The following ZNF845 variants were observed in gnomAD, a reference collection of about 807,000 sequenced individuals.
The protein encoded by ZNF845 is zinc finger protein 845.
In ZNF845, 59 loss-of-function variants were observed where a neutral mutation model predicts 76.1. The observed-to-expected ratio is 0.78, with a 90% confidence interval of 0.63 to 0.96. ZNF845 has a LOEUF of 0.96. Ranked by LOEUF, ZNF845 falls within the 40% of genes least tolerant of loss-of-function variation. The pLI, the probability that ZNF845 is intolerant of heterozygous loss-of-function variation, is 0.00. For synonymous variants in ZNF845, 361 were observed against 386.9 expected, an observed-to-expected ratio of 0.93 and a Z score of 0.78; for missense variants, 1,045 against 1,172.8, an observed-to-expected ratio of 0.89 and a Z score of 1.59.
chr19:53,338,694 GCA>G (rs57616883), intron 1 of ZNF845, among the ~76,000 whole-genome samples: 367 of 140,360 alleles, frequency 2.6e-3, no homozygotes, highest in East Asian at 5.4e-3. Flanking sequence ...CAACACGTGA[GCA>G]CACACACACA....
chr19:53,342,595 G>C (rs994259021), intron 2 of ZNF845, among the ~76,000 whole-genome samples: 2 of 152,164 alleles, frequency 1.3e-5, no homozygotes, highest in African/African-American at 4.8e-5. Flanking sequence ...TGTCAGTTCT[G>C]TGCCATGGGT....
At chr19:53,340,946 C>T (rs902977607) in intron 1 of ZNF845, 1 of 396,054 alleles carries the variant, frequency 2.5e-6, no homozygotes, top group Non-Finnish European at 4.5e-6. Context: ...CCCTCCTTCC[C>T]CAGGTCTCTG....
chr19:53,354,632 G>A lies in ZNF845; in HGVS notation c.*1044G>A, dbSNP rs1263529752. On this transcript the variant is annotated 3_prime_UTR_variant, in exon 4 of 4. Transcript: ENST00000458035. Reference sequence around the variant, plus strand: ...GACTTCCAATCCATCAATATGGGTTGTATGTCTATTTAGTTTTTTTGATCA... The same window carrying A: ...GACTTCCAATCCATCAATATGGGTTATATGTCTATTTAGTTTTTTTGATCA... 1 of 152,832 alleles carries A rather than the reference G, an allele frequency of 6.5e-6. No individual in the cohort carries two copies. Among genetic ancestry groups the A allele is most frequent in the African/African-American group, 2.4e-5 (1 of 41,436 alleles). The allele number at this position is 152,832 out of a possible 1,614,324, so 9.5% of individuals were successfully genotyped here.
chr19:53,336,633 C>CTTTTTTTTTTTTTTTTT (rs398035035), intron 1 of ZNF845, among the ~76,000 whole-genome samples: 26 of 92,420 alleles, frequency 2.8e-4, no homozygotes, highest in African/African-American at 4.5e-4. Context: ...TTCTTTCTTT[C>CTTTTTTTTTTTTTTTTT]TTTTTTTTTT....
chr19:53,336,438 AG>A (rs763325921), intron 1 of ZNF845, among the ~76,000 whole-genome samples: 4 of 152,006 alleles, frequency 2.6e-5, no homozygotes, highest in Non-Finnish European at 5.9e-5. Flanking sequence ...TGAACTTGGG[AG>A]GTAGAGGTTG....
chr19:53,338,470 G>A (rs1419039517), intron 1 of ZNF845, among the ~76,000 whole-genome samples: 2 of 152,040 alleles, frequency 1.3e-5, no homozygotes, highest in African/African-American at 4.8e-5. Flanking sequence ...TTCCCTTCAG[G>A]AAGGGTGGGG....
chr19:53,336,841 G>C (rs947508243), intron 1 of ZNF845, among the ~76,000 whole-genome samples: 1 of 151,998 alleles, frequency 6.6e-6, no homozygotes, highest in Admixed American at 6.6e-5. Context: ...AATTAGTTGC[G>C]TCCAGTTCAG....
At position 53,354,921 on chromosome 19, in the gene ZNF845, T is replaced by C. The variant is rs931834904; in HGVS notation, c.*1333T>C. 6.6e-6 allele frequency: 1 copy of C among 151,816 alleles called. No individual in the cohort carries two copies. Among genetic ancestry groups the C allele is most frequent in the Non-Finnish European group, 1.5e-5 (1 of 67,964 alleles). 9.4% of individuals were successfully genotyped at this position (151,816 alleles called of 1,614,324 possible). The stretch of plus-strand genomic sequence containing the variant: ...GACAGTCTCACTCTGTTACCCAGGC[T>C]CTTTTCTTTTTTTTTGAGAAGGAGT... On this transcript the variant is annotated 3_prime_UTR_variant, in exon 4 of 4. Transcript: ENST00000458035.
At chr19:53,343,711 A>G (rs1251152432) in intron 2 of ZNF845, among the ~76,000 whole-genome samples, 1 of 152,136 alleles carries the variant, frequency 6.6e-6, no homozygotes, top group African/African-American at 2.4e-5. Context: ...GGGAAATGAC[A>G]ATCCTTTGTA....
rs1314394068 is a variant in ZNF845 at position 53,350,813 on chromosome 19, T to C, written c.143-5T>C. The C allele has an allele frequency of 6.2e-7, 1 of 1,612,162 alleles. No homozygotes were observed. Among genetic ancestry groups the C allele is most frequent in the Non-Finnish European group, 8.5e-7 (1 of 1,179,340 alleles). On this transcript the variant is annotated splice_polypyrimidine_tract_variant and splice_region_variant and intron_variant, in intron 3 of 3. Transcript: ENST00000458035. ...TGGAAACCTATTGGTGTTTATATTT[T>C]CTAGATATCTCTTCCAAATGCATGA...
Position 53,337,124 on chromosome 19 carries a change from G to A in ZNF845, c.-74+3332G>A, listed in dbSNP as rs184082946. The A allele has an allele frequency of 1.2e-3, 531 of 456,928 alleles. 4 individuals are homozygous for A. Among genetic ancestry groups the A allele is most frequent in the African/African-American group, 9.7e-3 (488 of 50,196 alleles). The allele number at this position is 456,928 out of a possible 1,614,324, so 28.3% of individuals were successfully genotyped here. A position where few individuals can be genotyped will look rare whatever the true frequency, so the allele number is the denominator to read the frequency against. On this transcript the variant is annotated intron_variant, in intron 1 of 3. Coordinates refer to ENST00000458035, the MANE Select transcript of ZNF845 (RefSeq NM_138374.3). Reference sequence around the variant, plus strand: ...GGGAGCTTGCCCTCATCGCATGACTGTCTCTGCCCCAGTCATATTTGCTTT... The same window carrying A: ...GGGAGCTTGCCCTCATCGCATGACTATCTCTGCCCCAGTCATATTTGCTTT...
At position 53,352,297 on chromosome 19, in the gene ZNF845, A is replaced by G. The variant is rs2085345375; in HGVS notation, c.1622A>G (p.His541Arg). The change falls in exon 4 of 4, where the codon CAT becomes CGT. Residue 541 changes from histidine to arginine, a missense_variant. Transcript: ENST00000458035. The part of the protein sequence containing the change: ...TFSRKSSLTR[H>R]CRLHTGEKPY... ...AGTCGGAAGTCATCCCTTACACGCCATTGTAGACTTCATACTGGAGAGAAA... is the reference window on the plus strand; with the variant it reads ...AGTCGGAAGTCATCCCTTACACGCCGTTGTAGACTTCATACTGGAGAGAAA... 1.2e-6 allele frequency: 2 copies of G among 1,614,008 alleles called. No individual in the cohort carries two copies. Among genetic ancestry groups the G allele is most frequent in the Non-Finnish European group, 1.7e-6 (2 of 1,179,946 alleles).
intron 1 of ZNF845, among the ~76,000 whole-genome samples, chr19:53,336,190 C>T (rs375721505): frequency 7.6e-6 from 1 of 132,426 alleles, no homozygotes; most frequent in East Asian, 2.2e-4. Flanking sequence ...CCATCCTGGG[C>T]GAGAGCGAGA....
chr19:53,340,123 CTCACTG>C (rs571975996), intron 1 of ZNF845, among the ~76,000 whole-genome samples: 1,681 of 152,320 alleles, frequency 0.011, 12 homozygotes, highest in Middle Eastern at 0.031. Flanking sequence ...GTGATCTTGG[CTCACTG>C]CAACCTCTGC....
chr19:53,343,695 A>G (rs1251998859), intron 2 of ZNF845, among the ~76,000 whole-genome samples: 3 of 152,156 alleles, frequency 2.0e-5, no homozygotes, highest in African/African-American at 7.2e-5. Flanking sequence ...TTTTTTGAAT[A>G]TCTGGGGGAA....
intron 3 of ZNF845, among the ~76,000 whole-genome samples, chr19:53,350,586 T>C (rs2085325881): frequency 6.6e-6 from 1 of 152,238 alleles, no homozygotes; most frequent in South Asian, 2.1e-4. Context: ...TACATTTGTG[T>C]GCTGTCAGTG....
Position 53,351,097 on chromosome 19 carries a change from G to C in ZNF845, c.422G>C (p.Gly141Ala), listed in dbSNP as rs2085330795. Residue 141 changes from glycine (G) to alanine (A), a missense_variant, in exon 4 of 4, where the codon GGA (glycine) becomes GCA (alanine). Physicochemically the swap from Gly to Ala is moderately conservative, Grantham distance 60 (BLOSUM62 0). Transcript: ENST00000458035. ...AGNKPIKDQL[G>A]SSFHSHLPEL... is the part of the protein sequence containing the mutation. ...AACAAGCCTATTAAAGATCAGCTTG[G>C]ATCAAGCTTTCATTCGCATCTGCCT... 8 of 1,614,210 alleles carry C rather than the reference G, an allele frequency of 5.0e-6. No homozygotes were observed. The highest frequency in any genetic ancestry group is 6.8e-6 in the Non-Finnish European group (8 of 1,180,044).
chr19:53,336,260 G>A (rs1338672295), intron 1 of ZNF845, among the ~76,000 whole-genome samples: 2 of 150,852 alleles, frequency 1.3e-5, no homozygotes, highest in Non-Finnish European at 2.9e-5. Flanking sequence ...GCTCATGCCT[G>A]TAATCCCAGC....
In ZNF845 at chr19:53,351,827, G is replaced by A; in HGVS notation, c.1152G>A (p.Lys384=). 5 of 1,613,402 alleles carry A rather than the reference G, an allele frequency of 3.1e-6. No individual in the cohort carries two copies. Among genetic ancestry groups the A allele is most frequent in the Non-Finnish European group, 4.2e-6 (5 of 1,179,926 alleles). Residue 384 remains lysine (K), a synonymous_variant, in exon 4 of 4, where the codon AAG becomes AAA. Transcript: ENST00000458035. ...RKIHTGEKPY[K]CNECSRTFSR... is the part of the protein sequence containing the mutation. ...TTCATACTGGAGAGAAACCTTACAA[G>A]TGTAATGAATGCAGCAGGACCTTTA...
Sources: gnomAD v4.1 joint callset for allele counts (sites outside exome capture counted in the v4.1 genomes callset) on GRCh38, gnomAD v4.1.1 for gene constraint, MANE v1.5 for transcripts, NCBI Gene and HGNC (gene_info 2026-07-23, HGNC 2026-07-21) for gene names.